Variants in CDH18 observed in about 807,000 individuals in gnomAD.
CDH18 encodes the protein cadherin 18.
A neutral mutation model predicts 67.9 loss-of-function variants in CDH18; 31 were observed. The observed-to-expected ratio is 0.46, with a 90% CI of 0.34 to 0.62. The LOEUF is 0.62. Ranked by LOEUF, CDH18 falls within the 20% of genes least tolerant of loss-of-function variation. The pLI is 0.01. For synonymous variants in CDH18, 362 were observed against 347.2 expected (o/e 1.04, Z -0.48); for missense variants, 890 against 975.5 (o/e 0.91, Z 1.17).
intron 3 of CDH18, among the ~76,000 whole-genome samples, chr5:19,790,170 T>A (rs890734953): frequency 1.3e-5 from 2 of 152,110 alleles, no homozygotes; most frequent in Non-Finnish European, 2.9e-5. Context: ...ATCAAGAGAC[T>A]TTTTTATGCT....
rs569112287 is a variant in CDH18, at chr5:19,732,389, C to T, written c.524-10923G>A. Among the ~76,000 whole-genome samples, 11 of 152,206 alleles carry T rather than the reference C, an allele frequency of 7.2e-5. No individual in the cohort carries two copies. In the East Asian group the frequency reaches 2.1e-3, roughly 30 times the overall value. The stretch of plus-strand genomic sequence containing the variant: ...GGGTCTTGAGCCCAGGAGTTCAAGG[C>T]TGCAGCAGGCTATGATCATGCCACT... On this transcript the variant is annotated intron_variant, in intron 4 of 12. Coordinates refer to ENST00000382275, the MANE Select transcript of CDH18 (RefSeq NM_004934.5).
At chr5:20,372,859 T>G (rs1285756443) in intron 1 of CDH18, among the ~76,000 whole-genome samples, 1 of 152,102 alleles carries the variant, frequency 6.6e-6, no homozygotes, top group East Asian at 1.9e-4. Flanking sequence ...CCCTTGGATA[T>G]TTTGTCTGAA....
chr5:20,341,824 AAAAAATGCATAT>A (rs1329484389), intron 1 of CDH18, among the ~76,000 whole-genome samples: 1 of 152,074 alleles, frequency 6.6e-6, no homozygotes, highest in East Asian at 1.9e-4. Context: ...TCATGCAAAA[AAAAAATGCATAT>A]GACACTCCTG....
intron 2 of CDH18, among the ~76,000 whole-genome samples, chr5:20,102,705 A>C (rs139498245): frequency 1.3e-5 from 2 of 152,192 alleles, no homozygotes; most frequent in African/African-American, 4.8e-5. Flanking sequence ...GGGTATTTAC[A>C]AACTGATAAA....
chr5:20,512,455 G>A lies in CDH18; in HGVS notation c.-580+63007C>T, dbSNP rs528964040. On this transcript the variant is annotated intron_variant, in intron 1 of 14. Transcript: ENST00000507958. ...AATCTACAAGTGATCTTATAATTAT[G>A]TATTAATGTGATATATTCTTTGTGA... Among the ~76,000 whole-genome samples, 17 of 152,202 alleles carry A rather than the reference G, an allele frequency of 1.1e-4. 2 individuals are homozygous for A. The highest frequency in any genetic ancestry group is 3.6e-4 in the African/African-American group (15 of 41,532).
rs371916951 is a variant in CDH18 at position 20,357,276 on chromosome 5, A to G, written c.-579-101771T>C. On this transcript the variant is annotated intron_variant, in intron 1 of 14. Transcript: ENST00000507958. ...AATATCCTCTCCTTAAAAGTAGGAG[A>G]GGAAGAGAAGGAAGGAAGCATGTAT... Among the ~76,000 whole-genome samples the G allele has an allele frequency of 3.3e-4, 50 of 152,284 alleles. No homozygotes were observed. In the South Asian group the frequency reaches 8.5e-3, roughly 26 times the overall value.
At chr5:20,553,463 C>T (rs1757747328) in intron 1 of CDH18, among the ~76,000 whole-genome samples, 2 of 152,090 alleles carry the variant, frequency 1.3e-5, no homozygotes, top group African/African-American at 2.4e-5. Flanking sequence ...AGAAACAACG[C>T]TAACATTTAT....
chr5:19,710,331 T>C (rs1290178117), intron 5 of CDH18, among the ~76,000 whole-genome samples: 1 of 152,178 alleles, frequency 6.6e-6, no homozygotes, highest in African/African-American at 2.4e-5. Flanking sequence ...TATTTCTATA[T>C]AAACAAATAT....
intron 1 of CDH18, among the ~76,000 whole-genome samples, chr5:20,538,909 G>GTGTT (rs1756887190): frequency 8.4e-6 from 1 of 118,752 alleles, no homozygotes; most frequent in South Asian, 2.7e-4. Flanking sequence ...TTTTTTTTTT[G>GTGTT]TTTTTTTTTT....
At chr5:20,103,539 C>G (rs1210147710) in intron 2 of CDH18, among the ~76,000 whole-genome samples, 1 of 135,068 alleles carries the variant, frequency 7.4e-6, no homozygotes, top group Non-Finnish European at 1.6e-5. Flanking sequence ...GCTTGGCCAA[C>G]ATAGTGAAAC....
intron 9 of CDH18, among the ~76,000 whole-genome samples, chr5:19,521,966 A>C (rs1355157025): frequency 6.6e-6 from 1 of 152,072 alleles, no homozygotes; most frequent in African/African-American, 2.4e-5. Flanking sequence ...ACTACCACTC[A>C]CGACACATAT....
intron 1 of CDH18, among the ~76,000 whole-genome samples, chr5:20,279,728 A>G (rs1220512912): frequency 7.0e-6 from 1 of 143,082 alleles, no homozygotes; most frequent in Non-Finnish European, 1.5e-5. Flanking sequence ...AAAAAAAAAA[A>G]GCAAAAACTG....
chr5:19,950,944 C>T (rs1795728411), intron 2 of CDH18, among the ~76,000 whole-genome samples: 1 of 152,178 alleles, frequency 6.6e-6, no homozygotes. Context: ...AAACAGGATA[C>T]TTCTCCTTCA....
rs1405002800 is a variant in CDH18, at chr5:20,529,637, C to A, written c.-580+45825G>T. On this transcript the variant is annotated intron_variant, in intron 1 of 14. Coordinates refer to the CDH18 transcript ENST00000507958. Reference sequence around the variant, plus strand: ...CACATACACAAAACTAAAGATAAAACCAGATGATTATCTCAATAGACACAG... The same window carrying A: ...CACATACACAAAACTAAAGATAAAAACAGATGATTATCTCAATAGACACAG... Among the ~76,000 whole-genome samples the A allele has an allele frequency of 3.9e-5, 6 of 152,060 alleles. No individual in the cohort carries two copies. In the South Asian group the frequency reaches 8.3e-4, roughly 21 times the overall value.
At chr5:19,663,500 T>C (rs985591754) in intron 5 of CDH18, among the ~76,000 whole-genome samples, 2 of 151,914 alleles carry the variant, frequency 1.3e-5, no homozygotes, top group Non-Finnish European at 2.9e-5. Context: ...CTGAAGGCAA[T>C]TTTAAGTTAA....
intron 6 of CDH18, among the ~76,000 whole-genome samples, chr5:19,594,153 GTTTGTTTTGT>G (rs918710340): frequency 1.3e-5 from 2 of 151,656 alleles, no homozygotes; most frequent in African/African-American, 4.8e-5. Context: ...TTTTTTGTTT[GTTTGTTTTGT>G]TTTGTTTTGT....
intron 1 of CDH18, among the ~76,000 whole-genome samples, chr5:20,512,892 A>G (rs1755132865): frequency 6.6e-6 from 1 of 151,774 alleles, no homozygotes. Flanking sequence ...TCCAAAAAAA[A>G]AAAAAAAAAT....
At chr5:20,090,386 T>C (rs1745315755) in intron 2 of CDH18, among the ~76,000 whole-genome samples, 1 of 151,858 alleles carries the variant, frequency 6.6e-6, no homozygotes, top group African/African-American at 2.4e-5. Context: ...AATACAAAAA[T>C]TAGCCAGGCA....
At chr5:19,950,907 A>C (rs933389609) in intron 2 of CDH18, among the ~76,000 whole-genome samples, 3 of 152,154 alleles carry the variant, frequency 2.0e-5, no homozygotes, top group Non-Finnish European at 4.4e-5. Flanking sequence ...CTCTGCTAAA[A>C]CCTTATCAAC....
Sources: gnomAD v4.1 joint callset for allele counts (sites outside exome capture counted in the v4.1 genomes callset) on GRCh38, gnomAD v4.1.1 for gene constraint, MANE v1.5 for transcripts, NCBI Gene and HGNC (gene_info 2026-07-23, HGNC 2026-07-21) for gene names.